Variants in PLEKHD1 observed in about 807,000 individuals in gnomAD.
The protein encoded by PLEKHD1 is pleckstrin homology domain-containing family D member 1.
A neutral mutation model predicts 69.2 loss-of-function variants in PLEKHD1; 51 were observed. The observed-to-expected ratio is 0.74, with a 90% CI of 0.59 to 0.93. PLEKHD1 has a LOEUF of 0.93. Ranked by LOEUF, PLEKHD1 falls within the 40% of genes least tolerant of loss-of-function variation. The pLI is 0.00. For missense variants in PLEKHD1, 584 were observed against 641.0 expected (o/e 0.91, Z 0.96); for synonymous variants, 236 against 244.7 (o/e 0.96, Z 0.33).
chr14:69,471,169 A>G, the PLEKHD1 span, among the ~76,000 whole-genome samples: 7 of 126,612 alleles, frequency 5.5e-5, no homozygotes, highest in African/African-American at 2.2e-4. Context: ...GTGCAGTGGT[A>G]CGATCATGGC....
At chr14:69,509,755 T>G (rs968980976) in intron 6 of PLEKHD1, among the ~76,000 whole-genome samples, 1 of 152,114 alleles carries the variant, frequency 6.6e-6, no homozygotes, top group African/African-American at 2.4e-5. Context: ...CTAGCCAACA[T>G]GGTGAAACCC....
chr14:69,495,304 T>G (rs1423049514), intron 1 of PLEKHD1, among the ~76,000 whole-genome samples: 1 of 152,128 alleles, frequency 6.6e-6, no homozygotes, highest in East Asian at 1.9e-4. Context: ...CCCTAATGAA[T>G]CTCCCTGCCT....
intron 6 of PLEKHD1, among the ~76,000 whole-genome samples, chr14:69,503,925 A>C (rs1407224667): frequency 6.7e-6 from 1 of 149,702 alleles, no homozygotes. Flanking sequence ...TGTTCTGAGG[A>C]GTCATTACCA....
rs558254865 is a variant in PLEKHD1, at chr14:69,494,339, C to T, written c.150-5776C>T. 3.3e-5 allele frequency among the ~76,000 whole-genome samples: 5 copies of T among 152,296 alleles called. No individual in the cohort carries two copies. The South Asian group carries it at 1.0e-3, about 32-fold the overall frequency. On this transcript the variant is annotated intron_variant, in intron 1 of 12. Transcript: ENST00000322564. ...AGAGCTCTAACATTGGCTACCCCAACCCTGAAACTTACAGCCTCTGGCCCA... is the reference window on the plus strand; with the variant it reads ...AGAGCTCTAACATTGGCTACCCCAATCCTGAAACTTACAGCCTCTGGCCCA...
At chr14:69,519,931 G>T (rs954329796) in intron 6 of PLEKHD1, among the ~76,000 whole-genome samples, 2 of 152,110 alleles carry the variant, frequency 1.3e-5, no homozygotes, top group African/African-American at 2.4e-5. Context: ...GGAGGCCAAG[G>T]TGGGTGGATC....
chr14:69,482,896 A>AG (rs1364823387), upstream of PLEKHD1, among the ~76,000 whole-genome samples: 4 of 99,356 alleles, frequency 4.0e-5, no homozygotes, highest in African/African-American at 1.3e-4. Context: ...ATCTCTCTAA[A>AG]AAAAAAAAAA....
upstream of PLEKHD1, chr14:69,484,660 G>C (rs10150434): frequency 0.15 from 42,602 of 280,190 alleles, 3,814 homozygotes; most frequent in African/African-American, 0.22. Flanking sequence ...GCTGTCGCCG[G>C]GGGGGTGGGT....
At chr14:69,474,099 A>T in the PLEKHD1 span, among the ~76,000 whole-genome samples, 71,750 of 151,948 alleles carry the variant, frequency 0.47, 17,228 homozygotes, top group Middle Eastern at 0.59. Flanking sequence ...CCACTCATCA[A>T]GGAAATAAAG....
At chr14:69,486,170 C>G (rs1882651341) in intron 1 of PLEKHD1, among the ~76,000 whole-genome samples, 1 of 152,208 alleles carries the variant, frequency 6.6e-6, no homozygotes, top group Non-Finnish European at 1.5e-5. Context: ...ATCCCACACT[C>G]TATGAGTCTG....
At chr14:69,477,041 C>G in the PLEKHD1 span, among the ~76,000 whole-genome samples, 1 of 151,850 alleles carries the variant, frequency 6.6e-6, no homozygotes, top group African/African-American at 2.4e-5. Flanking sequence ...CAATGTCTCC[C>G]TCTGGTGTCA....
At chr14:69,504,360 G>C (rs964213083) in intron 6 of PLEKHD1, among the ~76,000 whole-genome samples, 1 of 152,156 alleles carries the variant, frequency 6.6e-6, no homozygotes, top group African/African-American at 2.4e-5. Flanking sequence ...CAGGGCAGGG[G>C]CTATCAGCCT....
In PLEKHD1 at chr14:69,486,186, G is replaced by A. The variant is rs142176334; in HGVS notation, c.149+1072G>A. Reference sequence around the variant, plus strand: ...TCCCACACTCTATGAGTCTGCCCCTGAGCAGAGGGGGCCTCCAATGTTCCC... The same window carrying A: ...TCCCACACTCTATGAGTCTGCCCCTAAGCAGAGGGGGCCTCCAATGTTCCC... On this transcript the variant is annotated intron_variant, in intron 1 of 12. Transcript: ENST00000322564. Among the ~76,000 whole-genome samples the A allele has an allele frequency of 3.2e-3, 490 of 152,316 alleles. 1 individual carries two copies. Among genetic ancestry groups the A allele is most frequent in the African/African-American group, 0.011 (477 of 41,570 alleles).
chr14:69,517,833 A>C, intron 6 of PLEKHD1, among the ~76,000 whole-genome samples: 1 of 151,536 alleles, frequency 6.6e-6, no homozygotes, highest in Non-Finnish European at 1.5e-5. Flanking sequence ...ATCTCCCCTA[A>C]CCTCACACCG....
chr14:69,486,108 G>T (rs563519304), intron 1 of PLEKHD1, among the ~76,000 whole-genome samples: 1 of 152,118 alleles, frequency 6.6e-6, no homozygotes, highest in Non-Finnish European at 1.5e-5. Context: ...CAGCCCTTCC[G>T]CGGAGGTGTG....
chr14:69,488,002 C>T (rs923121652), intron 1 of PLEKHD1, among the ~76,000 whole-genome samples: 1 of 152,184 alleles, frequency 6.6e-6, no homozygotes, highest in Non-Finnish European at 1.5e-5. Context: ...CACCCACTTC[C>T]TTCCTGCAAC....
rs1278659904 is a variant in PLEKHD1, at chr14:69,526,832, G to A, written c.1056+3G>A. On this transcript the variant is annotated splice_donor_region_variant and intron_variant, in intron 10 of 12. Coordinates refer to ENST00000322564, the MANE Select transcript of PLEKHD1 (RefSeq NM_001161498.2). ...AGCAGGCTGAGCGGGAGCTCAAGGT[G>A]CGACCTGGCCTGCTGGTGCCAGGGC... is the stretch of plus-strand genomic sequence containing the variant. 5 of 1,539,518 alleles carry A rather than the reference G, an allele frequency of 3.2e-6. No individual in the cohort carries two copies. The Admixed American group carries it at 6.0e-5, about 19-fold the overall frequency.
At chr14:69,504,388 C>G (rs1883105646) in intron 6 of PLEKHD1, among the ~76,000 whole-genome samples, 1 of 152,170 alleles carries the variant, frequency 6.6e-6, no homozygotes, top group East Asian at 1.9e-4. Flanking sequence ...GAACCTCTAA[C>G]TTGACTCTTA....
chr14:69,502,035 A>G, intron 5 of PLEKHD1: 1 of 471,644 alleles, frequency 2.1e-6, no homozygotes, highest in South Asian at 2.9e-5. Flanking sequence ...GATGGTTAAG[A>G]GCCTGGGCTC....
At chr14:69,506,919 T>TTTTTTTA (rs1883164486) in intron 6 of PLEKHD1, among the ~76,000 whole-genome samples, 1 of 126,736 alleles carries the variant, frequency 7.9e-6, no homozygotes, top group Non-Finnish European at 1.8e-5. Flanking sequence ...TTTTTTTTTT[T>TTTTTTTA]AAAGACGGAA....
Sources: gnomAD v4.1 joint callset for allele counts (sites outside exome capture counted in the v4.1 genomes callset) on GRCh38, gnomAD v4.1.1 for gene constraint, MANE v1.5 for transcripts, NCBI Gene and HGNC (gene_info 2026-07-23, HGNC 2026-07-21) for gene names.